DAZAP1: variants seen among roughly 807,000 people sequenced by gnomAD.
The protein encoded by DAZAP1 is DAZ associated protein 1.
In DAZAP1, 6 loss-of-function variants were observed where a neutral mutation model predicts 60.1. That is an observed-to-expected ratio of 0.10 (90% CI 0.05 to 0.20). DAZAP1 has a LOEUF of 0.20. Ranked by LOEUF, DAZAP1 falls within the 10% of genes least tolerant of loss-of-function variation. The probability of loss-of-function intolerance (pLI) is 1.00; values close to 1 mark genes in which losing one functional copy is unlikely to be tolerated. For synonymous variants in DAZAP1, 235 were observed against 215.9 expected, an observed-to-expected ratio of 1.09 and a Z score of -0.78; for missense variants, 366 against 560.4, an observed-to-expected ratio of 0.65 and a Z score of 3.50.
At chr19:1,412,586 G>A (rs1192963695) in intron 1 of DAZAP1, among the ~76,000 whole-genome samples, 7 of 152,212 alleles carry the variant, frequency 4.6e-5, no homozygotes, top group Non-Finnish European at 7.3e-5. Flanking sequence ...CGGGCTGGCC[G>A]CCGGTTTTTG....
In DAZAP1 at chr19:1,418,859, C is replaced by A; in HGVS notation, c.303+128C>A. ...GACGCAGGTCTTCTGGGTTGGCACT[C>A]GAGCAGCTGAGGATCACCCAGATTT... On this transcript the variant is annotated intron_variant, in intron 4 of 11. Coordinates refer to ENST00000233078, the MANE Select transcript of DAZAP1 (RefSeq NM_018959.4). This position sits in a 1 kb window ranked among gnomAD's most constrained non-coding sequence, Gnocchi z 5.7. The A allele has an allele frequency of 1.1e-6, 1 of 918,802 alleles. No individual in the cohort carries two copies. The highest frequency in any genetic ancestry group is 1.6e-6 in the Non-Finnish European group (1 of 608,056). The allele number at this position is 918,802 out of a possible 1,614,324, so 56.9% of individuals were successfully genotyped here.
At chr19:1,414,410 A>G (rs921113827) in intron 1 of DAZAP1, among the ~76,000 whole-genome samples, 3 of 152,188 alleles carry the variant, frequency 2.0e-5, no homozygotes, top group Non-Finnish European at 2.9e-5. Flanking sequence ...TTGTTTCCCA[A>G]GAACAATGAC....
At chr19:1,412,716 A>C (rs1305965355) in intron 1 of DAZAP1, among the ~76,000 whole-genome samples, 1 of 152,212 alleles carries the variant, frequency 6.6e-6, no homozygotes, top group East Asian at 1.9e-4. Context: ...GGCACGCAGC[A>C]AGCGAGGTTG....
Position 1,432,772 on chromosome 19 carries a change from C to T in DAZAP1, c.1048+82C>T, listed in dbSNP as rs905540177. On this transcript the variant is annotated intron_variant, in intron 11 of 11. Transcript: ENST00000233078. This position sits in a 1 kb window ranked among gnomAD's most constrained non-coding sequence, Gnocchi z 4.9. ...CTGCCTTCTTCTGCTTCCTCCCCTG[C>T]TGGACGCTCCCCAGCCTTTACCTGG... 3 of 1,439,156 alleles carry T rather than the reference C, an allele frequency of 2.1e-6. No individual in the cohort carries two copies. The highest frequency in any genetic ancestry group is 4.3e-5 in the Admixed American group (2 of 46,060). 89.1% of individuals were successfully genotyped at this position (1,439,156 alleles called of 1,614,324 possible).
intron 9 of DAZAP1, 73 bp downstream of exon 9, chr19:1,430,069 G>T: frequency 1.9e-6 from 3 of 1,581,576 alleles, no homozygotes; most frequent in Non-Finnish European, 2.6e-6. Flanking sequence ...GTGTCCTGGG[G>T]CAGCCGGCAA....
chr19:1,433,569 T>G lies in DAZAP1; in HGVS notation c.1048+879T>G. 1 of 596,606 alleles carries G rather than the reference T, an allele frequency of 1.7e-6. No homozygotes were observed. Among genetic ancestry groups the G allele is most frequent in the Non-Finnish European group, 3.0e-6 (1 of 335,356 alleles). 37.0% of individuals were successfully genotyped at this position (596,606 alleles called of 1,614,324 possible). ...TTCCCCTGCCCCCACGCCCAGGCCT[T>G]GGGCCGAGGTTGCCGCATGTGTGGG... On this transcript the variant is annotated intron_variant, in intron 11 of 11. Transcript: ENST00000233078. The surrounding 1 kb of genome is among the most constrained non-coding windows in gnomAD (Gnocchi z 6.1).
In DAZAP1 at chr19:1,433,749, C is replaced by T. The variant is rs566673597; in HGVS notation, c.1049-988C>T. 3.1e-6 allele frequency: 5 copies of T among 1,613,830 alleles called. No individual in the cohort carries two copies. The South Asian group carries it at 5.5e-5, about 18-fold the overall frequency. ...CTCGTCTCTTGCCAGGCCTGGGTTC[C>T]TATTCTCCAGCCCCGCCGGGCTGCG... On this transcript the variant is annotated intron_variant, in intron 11 of 11. Coordinates refer to ENST00000233078, the MANE Select transcript of DAZAP1 (RefSeq NM_018959.4). The surrounding 1 kb of genome is among the most constrained non-coding windows in gnomAD (Gnocchi z 6.1).
chr19:1,411,923 G>GAC (rs1363335538), intron 1 of DAZAP1, among the ~76,000 whole-genome samples: 1 of 152,252 alleles, frequency 6.6e-6, no homozygotes, highest in African/African-American at 2.4e-5. Context: ...TGGTCCCCGT[G>GAC]ACACCATGTC....
rs1417034750 is a variant in DAZAP1, at chr19:1,417,614, C to T, written c.70+74C>T. On this transcript the variant is annotated intron_variant, in intron 2 of 11. Transcript: ENST00000233078. ...CCTCGGCCTTCAAGTTGTGTCTGCC[C>T]GCCTCTTGCTACTGTCTTGGATATT... 7 of 1,351,390 alleles carry T rather than the reference C, an allele frequency of 5.2e-6. No individual in the cohort carries two copies. In the Admixed American group the frequency reaches 9.1e-5, roughly 18 times the overall value. The allele number at this position is 1,351,390 out of a possible 1,614,324, so 83.7% of individuals were successfully genotyped here.
In DAZAP1 at chr19:1,428,813, C is replaced by T. The variant is rs781273811; in HGVS notation, c.547-29C>T. Reference sequence around the variant, plus strand: ...AAGGGGGTGCTGGGACCCGCAGCCTCGCCCTAAACCAGAGCTCGGTTTGTT... The same window carrying T: ...AAGGGGGTGCTGGGACCCGCAGCCTTGCCCTAAACCAGAGCTCGGTTTGTT... On this transcript the variant is annotated intron_variant, in intron 7 of 11. Coordinates refer to ENST00000233078, the MANE Select transcript of DAZAP1 (RefSeq NM_018959.4). The surrounding 1 kb of genome is among the most constrained non-coding windows in gnomAD (Gnocchi z 4.0). 12 of 1,612,102 alleles carry T rather than the reference C, an allele frequency of 7.4e-6. No individual in the cohort carries two copies. Among genetic ancestry groups the T allele is most frequent in the Admixed American group, 1.7e-5 (1 of 59,890 alleles).
In DAZAP1 at chr19:1,433,327, C is replaced by T. The variant is rs750838923; in HGVS notation, c.1048+637C>T. 1.9e-4 allele frequency: 47 copies of T among 249,836 alleles called. No homozygotes were observed. The highest frequency in any genetic ancestry group is 3.3e-4 in the Non-Finnish European group (41 of 125,112). The allele number at this position is 249,836 out of a possible 1,614,324, so 15.5% of individuals were successfully genotyped here. On this transcript the variant is annotated intron_variant, in intron 11 of 11. Coordinates refer to ENST00000233078, the MANE Select transcript of DAZAP1 (RefSeq NM_018959.4). The surrounding 1 kb of genome is among the most constrained non-coding windows in gnomAD (Gnocchi z 6.1). The stretch of plus-strand genomic sequence containing the variant: ...TCACAGCAGCCTTGCTCAGGACCAA[C>T]GCGGTGGCCTCAGTGGGCAGGGCTC...
In DAZAP1 at chr19:1,428,866, C is replaced by T; in HGVS notation, c.571C>T (p.Arg191Trp). ...GGTGGAAGTTAAACGAGCTGAGCCT[C>T]GGGACAGCAAGAGCCAAGCGCCGGG... ...KKVEVKRAEP[R>W]DSKSQAPGQP... Residue 191 changes from arginine (R) to tryptophan (W), a missense_variant, in exon 8 of 12, where the codon CGG becomes TGG. This residue lies in a region of DAZAP1 where 240 missense variants were observed against 308.8 expected (regional missense o/e 0.78). Transcript: ENST00000233078. This position sits in a 1 kb window ranked among gnomAD's most constrained non-coding sequence, Gnocchi z 4.0. 3.1e-6 allele frequency: 5 copies of T among 1,613,028 alleles called. No individual in the cohort carries two copies. Among genetic ancestry groups the T allele is most frequent in the Non-Finnish European group, 4.2e-6 (5 of 1,179,896 alleles).
chr19:1,416,574 C>T lies in DAZAP1; in HGVS notation c.30-926C>T, dbSNP rs1230092720. On this transcript the variant is annotated intron_variant, in intron 1 of 11. Coordinates refer to ENST00000233078, the MANE Select transcript of DAZAP1 (RefSeq NM_018959.4). This position sits in a 1 kb window ranked among gnomAD's most constrained non-coding sequence, Gnocchi z 4.3. ...TGCCTGGGTAAGCCTTGTGGTGTCT[C>T]AGACATGCCCAGTGGGTGCCATGGC... is the stretch of plus-strand genomic sequence containing the variant. The T allele has an allele frequency of 6.6e-6, 1 of 152,284 alleles. No homozygotes were observed. The highest frequency in any genetic ancestry group is 1.9e-4 in the East Asian group (1 of 5,194). The allele number at this position is 152,284 out of a possible 1,614,324, so 9.4% of individuals were successfully genotyped here. A position where few individuals can be genotyped will look rare whatever the true frequency, so the allele number is the denominator to read the frequency against.
intron 1 of DAZAP1, among the ~76,000 whole-genome samples, chr19:1,412,720 GA>G (rs1185213847): frequency 6.6e-6 from 1 of 152,226 alleles, no homozygotes; most frequent in Admixed American, 6.5e-5. Flanking sequence ...CGCAGCAAGC[GA>G]GGTTGCCATC....
Position 1,418,395 on chromosome 19 carries a change from A to G in DAZAP1, c.237+25A>G. The G allele has an allele frequency of 6.2e-7, 1 of 1,606,854 alleles. No individual in the cohort carries two copies. The highest frequency in any genetic ancestry group is 8.5e-7 in the Non-Finnish European group (1 of 1,174,922). On this transcript the variant is annotated intron_variant, in intron 3 of 11. Coordinates refer to ENST00000233078, the MANE Select transcript of DAZAP1 (RefSeq NM_018959.4). The surrounding 1 kb of genome is among the most constrained non-coding windows in gnomAD (Gnocchi z 5.7). The stretch of plus-strand genomic sequence containing the variant: ...CGTAAGTGCCCTTCCGGGAGCTCAC[A>G]CCCGCTCTCTGTCTCCCCTGTCCTT...
intron 9 of DAZAP1, 78 bp from the exon 10 acceptor site, chr19:1,430,144 G>GGCA: frequency 6.7e-7 from 1 of 1,498,158 alleles, no homozygotes; most frequent in Non-Finnish European, 9.2e-7. Context: ...TAGGGCCCCT[G>GGCA]GCAGGCCTGG....
rs2083275819 is a variant in DAZAP1, at chr19:1,425,178, A to T, written c.464-700A>T. ...CTCTACCTGTATAGAACATGCATAG[A>T]TGTCTACGATATGACCTCTTCTAGG... On this transcript the variant is annotated intron_variant, in intron 6 of 11. Coordinates refer to ENST00000233078, the MANE Select transcript of DAZAP1 (RefSeq NM_018959.4). The surrounding 1 kb of genome is among the most constrained non-coding windows in gnomAD (Gnocchi z 5.4). 6.6e-6 allele frequency among the ~76,000 whole-genome samples: 1 copy of T among 152,174 alleles called. No individual in the cohort carries two copies. The highest frequency in any genetic ancestry group is 2.4e-5 in the African/African-American group (1 of 41,428).
chr19:1,422,392 C>A lies in DAZAP1; in HGVS notation c.459C>A (p.Pro153=). 1.9e-6 allele frequency: 3 copies of A among 1,613,976 alleles called. No homozygotes were observed. Among genetic ancestry groups the A allele is most frequent in the Non-Finnish European group, 2.5e-6 (3 of 1,179,930 alleles). ...TCTATGACGCCGAGAAGCAGAGGCCCCGAGGTAAGGGCAGATCTAGTTTGA... is the reference window on the plus strand; with the variant it reads ...TCTATGACGCCGAGAAGCAGAGGCCACGAGGTAAGGGCAGATCTAGTTTGA... ...VMIYDAEKQR[P]RGFGFITFED... The change falls in exon 6 of 12, where the codon CCC becomes CCA. Residue 153 remains proline, a synonymous_variant. Coordinates refer to ENST00000233078, the MANE Select transcript of DAZAP1 (RefSeq NM_018959.4). The surrounding 1 kb of genome is among the most constrained non-coding windows in gnomAD (Gnocchi z 4.5).
rs1600252006 is a variant in DAZAP1, at chr19:1,432,868, G to A, written c.1048+178G>A. On this transcript the variant is annotated intron_variant, in intron 11 of 11. Transcript: ENST00000233078. This position sits in a 1 kb window ranked among gnomAD's most constrained non-coding sequence, Gnocchi z 4.9. ...GAGATCTCGTGGCAACTCGGGTCCA[G>A]CAGAAGGGAGCGTGGGAGTCTTGTC... 7 of 652,946 alleles carry A rather than the reference G, an allele frequency of 1.1e-5. No individual in the cohort carries two copies. The highest frequency in any genetic ancestry group is 4.0e-4 in the Middle Eastern group (1 of 2,500). The allele number at this position is 652,946 out of a possible 1,614,324, so 40.4% of individuals were successfully genotyped here. A position where few individuals can be genotyped will look rare whatever the true frequency, so the allele number is the denominator to read the frequency against.
Sources: allele counts gnomAD v4.1 joint callset (sites outside exome capture counted in the v4.1 genomes callset), GRCh38; gene constraint gnomAD v4.1.1; regional missense constraint gnomAD v4.1.1; non-coding constraint Gnocchi (gnomAD v3.1); transcripts MANE v1.5; gene names NCBI Gene and HGNC (gene_info 2026-07-23, HGNC 2026-07-21).